Variants in UBIAD1 observed in about 807,000 individuals in gnomAD.
The protein encoded by UBIAD1 is UbiA prenyltransferase domain containing 1, also known as ubiA prenyltransferase domain-containing protein 1.
Under a neutral mutation model 20.1 loss-of-function variants are expected in UBIAD1, and 12 were observed. That is an observed-to-expected ratio of 0.60 (90% CI 0.38 to 0.97). The LOEUF (loss-of-function observed/expected upper bound fraction) is 0.97, where lower values mean the gene tolerates loss of function less well. Among genes scored for constraint, UBIAD1 ranks in the 50% least tolerant of loss-of-function variants. The probability of loss-of-function intolerance (pLI) is 0.00; values close to 1 mark genes in which losing one functional copy is unlikely to be tolerated. For missense variants in UBIAD1, 333 were observed against 419.5 expected (o/e 0.79, Z 1.80); for synonymous variants, 207 against 189.2 (o/e 1.09, Z -0.77).
chr1:11,293,962 T>G (rs1638407511), intron 1 of UBIAD1, among the ~76,000 whole-genome samples: 1 of 152,208 alleles, frequency 6.6e-6, no homozygotes, highest in South Asian at 2.1e-4. Flanking sequence ...CATGAGCCAC[T>G]GTGCCTGGCC....
At chr1:11,298,569 A>AAAATAAATAAATAAATAAAT (rs368913011), downstream of UBIAD1, among the ~76,000 whole-genome samples, 1 of 144,940 alleles carries the variant, frequency 6.9e-6, no homozygotes, top group South Asian at 2.2e-4. This position sits in a 1 kb window ranked among gnomAD's most constrained non-coding sequence, Gnocchi z 4.0. Context: ...CCTGTCTCCA[A>AAAATAAATAAATAAATAAAT]AAATAAATAA....
At chr1:11,278,586 A>T in intron 1 of UBIAD1, 1 of 1,320,068 alleles carries the variant, frequency 7.6e-7, no homozygotes, top group Admixed American at 2.9e-5. Context: ...TTGTTGATAT[A>T]AGACAAGTTT....
chr1:11,282,558 CTTTTTTT>C (rs34509238), intron 1 of UBIAD1, among the ~76,000 whole-genome samples: 8 of 128,110 alleles, frequency 6.2e-5, no homozygotes, highest in African/African-American at 1.5e-4. Context: ...GCTTACATCA[CTTTTTTT>C]TTTTTTTTTT....
chr1:11,273,316 G>A lies in UBIAD1; in HGVS notation c.-216G>A, dbSNP rs1013111377. The A allele has an allele frequency of 1.5e-5, 9 of 600,856 alleles. No homozygotes were observed. Among genetic ancestry groups the A allele is most frequent in the Middle Eastern group, 4.5e-4 (1 of 2,236 alleles). The allele number at this position is 600,856 out of a possible 1,614,324, so 37.2% of individuals were successfully genotyped here. Reference sequence around the variant, plus strand: ...GGGCTGGGGGCCGGAGACAGACTTCGCCCAGGTGACGGGTAGTAGGGGCGG... The same window carrying A: ...GGGCTGGGGGCCGGAGACAGACTTCACCCAGGTGACGGGTAGTAGGGGCGG... On this transcript the variant is annotated 5_prime_UTR_variant, in exon 1 of 2. Coordinates refer to ENST00000376810, the MANE Select transcript of UBIAD1 (RefSeq NM_013319.3). This position sits in a 1 kb window ranked among gnomAD's most constrained non-coding sequence, Gnocchi z 4.9.
downstream of UBIAD1, among the ~76,000 whole-genome samples, chr1:11,289,946 G>C (rs759113700): frequency 6.6e-6 from 1 of 152,056 alleles, no homozygotes; most frequent in Non-Finnish European, 1.5e-5. Context: ...TGGCCAGGCT[G>C]GTCTCAAACT....
chr1:11,292,754 G>A (rs1220493537), downstream of UBIAD1, among the ~76,000 whole-genome samples: 1 of 151,052 alleles, frequency 6.6e-6, no homozygotes, highest in Non-Finnish European at 1.5e-5. Context: ...GAAGTGAGAG[G>A]GATGACAGCT....
chr1:11,278,550 A>G, intron 1 of UBIAD1: 1 of 1,001,660 alleles, frequency 1.0e-6, no homozygotes. Context: ...GTGATATTTA[A>G]TCAAGACATT....
At chr1:11,278,011 G>A (rs1236612670) in intron 1 of UBIAD1, among the ~76,000 whole-genome samples, 1 of 152,140 alleles carries the variant, frequency 6.6e-6, no homozygotes. Flanking sequence ...AGGCTAGAGT[G>A]CAGTGGTGCG....
chr1:11,285,726 C>T lies in UBIAD1; in HGVS notation c.612C>T (p.Ala204=), dbSNP rs759274578. Residue 204 remains alanine (A), a synonymous_variant, in exon 2 of 2, where the codon GCC becomes GCT. Coordinates refer to ENST00000376810, the MANE Select transcript of UBIAD1 (RefSeq NM_013319.3). This position sits in a 1 kb window ranked among gnomAD's most constrained non-coding sequence, Gnocchi z 4.4. ...CGCTGGCTGTGATGTTCGCCTACGCCATCCAGGTGGGGTCCCTGGCCATCT... is the reference window on the plus strand; with the variant it reads ...CGCTGGCTGTGATGTTCGCCTACGCTATCCAGGTGGGGTCCCTGGCCATCT... ...FGPLAVMFAY[A]IQVGSLAIFP... 1.5e-5 allele frequency: 24 copies of T among 1,614,066 alleles called. No individual in the cohort carries two copies. The highest frequency in any genetic ancestry group is 1.9e-5 in the Non-Finnish European group (22 of 1,180,042).
intron 1 of UBIAD1, among the ~76,000 whole-genome samples, chr1:11,294,195 A>G (rs1426285226): frequency 6.6e-6 from 1 of 152,156 alleles, no homozygotes; most frequent in African/African-American, 2.4e-5. Context: ...TCTTTTTCAT[A>G]AGAGAGGAAA....
Position 11,285,790 on chromosome 1 carries a change from G to T in UBIAD1, c.676G>T (p.Glu226Ter), listed in dbSNP as rs755253867. The change falls in exon 2 of 2, where the codon GAG (glutamate) becomes TAG (stop). Residue 226 changes from glutamate to a stop codon, truncating the protein, a stop_gained. Transcript: ENST00000376810. LOFTEE classifies it high-confidence loss of function. This position sits in a 1 kb window ranked among gnomAD's most constrained non-coding sequence, Gnocchi z 4.4. ...TGCCATCCCCCTCGCCCTCAGCACC[G>T]AGGCCATTCTCCATTCCAACAACAC... is the stretch of plus-strand genomic sequence containing the variant. ...VYAIPLALST[E>*]AILHSNNTRD... The T allele has an allele frequency of 6.2e-7, 1 of 1,613,976 alleles. No homozygotes were observed. Among genetic ancestry groups the T allele is most frequent in the Non-Finnish European group, 8.5e-7 (1 of 1,180,020 alleles).
At chr1:11,276,803 T>C (rs1652048441) in intron 1 of UBIAD1, among the ~76,000 whole-genome samples, 1 of 152,198 alleles carries the variant, frequency 6.6e-6, no homozygotes, top group East Asian at 1.9e-4. Flanking sequence ...CCATGTCTGT[T>C]ACGTGTAACA....
chr1:11,286,133 G>A lies in UBIAD1; in HGVS notation c.*2G>A. On this transcript the variant is annotated 3_prime_UTR_variant, in exon 2 of 2. Coordinates refer to ENST00000376810, the MANE Select transcript of UBIAD1 (RefSeq NM_013319.3). ...GCAGGCAGTCTGCCCAAAATTTAAG[G>A]GGACAAGTAGCTCCCCCCACGACAT... is the stretch of plus-strand genomic sequence containing the variant. The A allele has an allele frequency of 6.2e-7, 1 of 1,614,082 alleles. No homozygotes were observed. Among genetic ancestry groups the A allele is most frequent in the South Asian group, 1.1e-5 (1 of 91,070 alleles).
downstream of UBIAD1, among the ~76,000 whole-genome samples, chr1:11,290,063 A>G (rs570051688): frequency 1.8e-4 from 28 of 152,038 alleles, no homozygotes; most frequent in Middle Eastern, 0.01. Flanking sequence ...ACGGGGTTTT[A>G]CCATGTTGGC....
intron 1 of UBIAD1, among the ~76,000 whole-genome samples, chr1:11,275,970 G>A (rs1652009508): frequency 6.6e-6 from 1 of 152,158 alleles, no homozygotes; most frequent in Non-Finnish European, 1.5e-5. Flanking sequence ...GGGAGGGTAA[G>A]GAGGCACACA....
At position 11,273,264 on chromosome 1, in the gene UBIAD1, C is replaced by T. The variant is rs930990212; in HGVS notation, c.-268C>T. On this transcript the variant is annotated 5_prime_UTR_variant, in exon 1 of 2. Transcript: ENST00000376810. This position sits in a 1 kb window ranked among gnomAD's most constrained non-coding sequence, Gnocchi z 4.9. ...GCTCTGGCGGCCTAAAGAAGGCGGC[C>T]GCGGCTCAGCCGTGGGCTCTAACGC... is the stretch of plus-strand genomic sequence containing the variant. The T allele has an allele frequency of 1.2e-5, 6 of 496,728 alleles. No individual in the cohort carries two copies. Among genetic ancestry groups the T allele is most frequent in the Non-Finnish European group, 2.2e-5 (6 of 276,444 alleles). 30.8% of individuals were successfully genotyped at this position (496,728 alleles called of 1,614,324 possible).
At chr1:11,290,443 C>T (rs1309691483), downstream of UBIAD1, among the ~76,000 whole-genome samples, 1 of 152,206 alleles carries the variant, frequency 6.6e-6, no homozygotes, top group African/African-American at 2.4e-5. Context: ...CAGTGGGGCA[C>T]AGATCCTGCT....
At position 11,287,471 on chromosome 1, in the gene UBIAD1, C is replaced by G. The variant is rs1638291841; in HGVS notation, c.*1340C>G. The G allele has an allele frequency of 6.6e-6, 1 of 152,162 alleles. No homozygotes were observed. The highest frequency in any genetic ancestry group is 2.1e-4 in the South Asian group (1 of 4,828). 9.4% of individuals were successfully genotyped at this position (152,162 alleles called of 1,614,324 possible). A position where few individuals can be genotyped will look rare whatever the true frequency, so the allele number is the denominator to read the frequency against. On this transcript the variant is annotated 3_prime_UTR_variant, in exon 2 of 2. Transcript: ENST00000376810. ...GGACTATAGATTGGAAATGGGTCAT[C>G]ATTGTTTTCTGTTGTGATTATAGCC...
In UBIAD1 at chr1:11,278,751, C is replaced by A; in HGVS notation, c.529+4691C>A. On this transcript the variant is annotated intron_variant, in intron 1 of 1. Transcript: ENST00000376810. ...TTTGCTAACACTGGTGTGCTGCGGT[C>A]ATCCACCATCCCACTGGAGTTATTT... 3 of 603,542 alleles carry A rather than the reference C, an allele frequency of 5.0e-6. No individual in the cohort carries two copies. In the South Asian group the frequency reaches 8.2e-5, roughly 17 times the overall value. 37.4% of individuals were successfully genotyped at this position (603,542 alleles called of 1,614,324 possible).
Sources: allele counts gnomAD v4.1 joint callset (sites outside exome capture counted in the v4.1 genomes callset), GRCh38; gene constraint gnomAD v4.1.1; non-coding constraint Gnocchi (gnomAD v3.1); transcripts MANE v1.5; gene names NCBI Gene and HGNC (gene_info 2026-07-23, HGNC 2026-07-21).